MALT1: variants seen among roughly 807,000 people sequenced by gnomAD.
The protein encoded by MALT1 is MALT1 paracaspase.
A neutral mutation model predicts 85.5 loss-of-function variants in MALT1; 36 were observed. That is an observed-to-expected ratio of 0.42 (90% CI 0.32 to 0.56). The LOEUF (loss-of-function observed/expected upper bound fraction) is 0.56. MALT1 is among the 20% of genes least tolerant of loss of function. The probability of loss-of-function intolerance (pLI) is 0.10; values close to 1 mark genes in which losing one functional copy is unlikely to be tolerated. For synonymous variants in MALT1, 359 were observed against 361.3 expected (o/e 0.99, Z 0.07); for missense variants, 716 against 981.6 (o/e 0.73, Z 3.62).
intron 9 of MALT1, among the ~76,000 whole-genome samples, chr18:58,720,923 C>G (rs2054973549): frequency 6.6e-6 from 1 of 152,110 alleles, no homozygotes; most frequent in African/African-American, 2.4e-5. Context: ...CTCACATTTC[C>G]CCTCACCTTA....
intron 13 of MALT1, among the ~76,000 whole-genome samples, chr18:58,736,736 G>A (rs2055226782): frequency 6.6e-6 from 1 of 152,210 alleles, no homozygotes; most frequent in Admixed American, 6.5e-5. Context: ...TACCATGTCT[G>A]CTTAACCAGA....
intron 2 of MALT1, among the ~76,000 whole-genome samples, chr18:58,688,403 C>G (rs528695601): frequency 6.6e-6 from 1 of 151,602 alleles, no homozygotes; most frequent in Non-Finnish European, 1.5e-5. Flanking sequence ...GCTACTTTGT[C>G]TTGGCCAGGC....
At chr18:58,720,779 TG>T (rs2054972394) in intron 9 of MALT1, among the ~76,000 whole-genome samples, 1 of 152,204 alleles carries the variant, frequency 6.6e-6, no homozygotes, top group Non-Finnish European at 1.5e-5. Flanking sequence ...ATCTATGATG[TG>T]TATAATTAAA....
chr18:58,707,407 AG>A (rs2054767890), intron 4 of MALT1, among the ~76,000 whole-genome samples: 1 of 149,648 alleles, frequency 6.7e-6, no homozygotes, highest in Admixed American at 6.7e-5. Flanking sequence ...TAGAAATGTG[AG>A]GCTATTTCAA....
Position 58,742,022 on chromosome 18 carries a change from A to G in MALT1, c.1753+8A>G, listed in dbSNP as rs922319811. On this transcript the variant is annotated splice_region_variant and intron_variant, in intron 14 of 16. Transcript: ENST00000649217. Reference sequence around the variant, plus strand: ...AGTGGGCCAAGGCTCATGGTACGGTAAAGCCCATTTTTTGTTAGATCTACA... The same window carrying G: ...AGTGGGCCAAGGCTCATGGTACGGTGAAGCCCATTTTTTGTTAGATCTACA... 6.8e-7 allele frequency: 1 copy of G among 1,480,910 alleles called. No homozygotes were observed. Among genetic ancestry groups the G allele is most frequent in the Non-Finnish European group, 9.1e-7 (1 of 1,094,276 alleles). The allele number at this position is 1,480,910 out of a possible 1,614,324, so 91.7% of individuals were successfully genotyped here. A position where few individuals can be genotyped will look rare whatever the true frequency, so the allele number is the denominator to read the frequency against.
At chr18:58,733,831 C>A in intron 11 of MALT1, 4 of 1,144,616 alleles carry the variant, frequency 3.5e-6, no homozygotes, top group Non-Finnish European at 3.3e-6. Context: ...GGATTCAACT[C>A]TCCAGAATGC....
Position 58,747,405 on chromosome 18 carries a change from G to T in MALT1, c.2038G>T (p.Glu680Ter). 1 of 1,588,586 alleles carries T rather than the reference G, an allele frequency of 6.3e-7. No homozygotes were observed. The highest frequency in any genetic ancestry group is 1.1e-5 in the South Asian group (1 of 88,012). ...TAAACCAGATTTTTTTCCTTTTCAG[G>T]AACATCTAGTCTTCACAGTATGTTT... ...TRLSSLQKLKEHLVFTVCLSY... is the reference protein window; with the variant it reads ...TRLSSLQKLK The change falls in exon 17 of 17, where the codon GAA becomes TAA. Residue 680 changes from glutamate to a stop codon, truncating the protein, a stop_gained and splice_region_variant. Transcript: ENST00000649217. LOFTEE classifies it low-confidence loss of function (END_TRUNC).
intron 16 of MALT1, among the ~76,000 whole-genome samples, 176 bp downstream of exon 16, chr18:58,745,967 A>G (rs1305504619): frequency 1.3e-5 from 2 of 151,638 alleles, no homozygotes; most frequent in Non-Finnish European, 2.9e-5. Flanking sequence ...AGAGGACTTT[A>G]TGTGTGCTTA....
At chr18:58,736,417 A>G (rs1310989734) in intron 13 of MALT1, among the ~76,000 whole-genome samples, 2 of 151,134 alleles carry the variant, frequency 1.3e-5, no homozygotes, top group Admixed American at 1.3e-4. Flanking sequence ...TGAAGCTTAC[A>G]TTTGAAGGAA....
intron 12 of MALT1, among the ~76,000 whole-genome samples, chr18:58,734,966 ATGAT>A (rs1269336817): frequency 1.3e-5 from 2 of 152,218 alleles, no homozygotes; most frequent in African/African-American, 4.8e-5. Context: ...TCAATGTGGA[ATGAT>A]TGAATCAAGA....
Position 58,700,461 on chromosome 18 carries a change from A to G in MALT1, c.519A>G (p.Ser173=). The G allele has an allele frequency of 6.2e-7, 1 of 1,603,364 alleles. No individual in the cohort carries two copies. The highest frequency in any genetic ancestry group is 8.5e-7 in the Non-Finnish European group (1 of 1,177,150). ...CACAGATTCCAAATGGAAATACATCAGAGCTTATTTTTAATGCAGTGCATG... is the reference window on the plus strand; with the variant it reads ...CACAGATTCCAAATGGAAATACATCGGAGCTTATTTTTAATGCAGTGCATG... ...MNKEIPNGNT[S]ELIFNAVHVK... The change falls in exon 4 of 17, where the codon TCA becomes TCG. Residue 173 remains serine, a synonymous_variant. Transcript: ENST00000649217.
At chr18:58,733,748 T>C (rs1423175354) in intron 11 of MALT1, 174 bp downstream of exon 11, 2 of 740,548 alleles carry the variant, frequency 2.7e-6, no homozygotes, top group Admixed American at 6.7e-5. Flanking sequence ...TATCTAATTA[T>C]TTTAACTCTT....
chr18:58,734,309 A>G lies in MALT1; in HGVS notation c.1403A>G (p.Asn468Ser). ...CCTCCTCCGCCTCCCTTAAATAGAA[A>G]TGACTACGATGATACCATTCCAATC... ...VFLLDMCRKR[N>S]DYDDTIPILD... is the part of the protein sequence containing the mutation. The change falls in exon 12 of 17, where the codon AAT becomes AGT. Residue 468 changes from asparagine (N) to serine (S), a missense_variant and splice_region_variant. Physicochemically the swap from Asn to Ser is conservative, Grantham distance 46 (BLOSUM62 1). Transcript: ENST00000649217. 6.2e-7 allele frequency: 1 copy of G among 1,611,082 alleles called. No individual in the cohort carries two copies. The highest frequency in any genetic ancestry group is 8.5e-7 in the Non-Finnish European group (1 of 1,177,208).
intron 11 of MALT1, 54 bp from the exon 12 acceptor site, chr18:58,734,253 A>G: frequency 1.6e-6 from 2 of 1,282,436 alleles, no homozygotes; most frequent in Non-Finnish European, 2.3e-6. Flanking sequence ...CCTTTTAAGA[A>G]TGCTCTTTAA....
At chr18:58,701,581 T>A (rs1036506794) in intron 4 of MALT1, among the ~76,000 whole-genome samples, 16 of 152,196 alleles carry the variant, frequency 1.1e-4, no homozygotes, top group Non-Finnish European at 2.4e-4. Context: ...GCTTACCAGT[T>A]ATGCAATTCA....
chr18:58,689,387 A>G (rs1017312150), intron 2 of MALT1, among the ~76,000 whole-genome samples: 2 of 152,158 alleles, frequency 1.3e-5, no homozygotes, highest in Non-Finnish European at 2.9e-5. Context: ...GGTTATTTCA[A>G]AGGTTAGTGA....
intron 2 of MALT1, among the ~76,000 whole-genome samples, chr18:58,688,118 T>A (rs2054433282): frequency 6.6e-6 from 1 of 152,176 alleles, no homozygotes; most frequent in African/African-American, 2.4e-5. Context: ...TGCATTGGGG[T>A]GGCTAAGGGT....
In MALT1 at chr18:58,681,473, G is replaced by T. The variant is rs1171545413; in HGVS notation, c.376+137G>T. 8.0e-6 allele frequency: 6 copies of T among 748,466 alleles called. No homozygotes were observed. In the Admixed American group the frequency reaches 1.8e-4, roughly 22 times the overall value. 46.4% of individuals were successfully genotyped at this position (748,466 alleles called of 1,614,324 possible). A position where few individuals can be genotyped will look rare whatever the true frequency, so the allele number is the denominator to read the frequency against. The stretch of plus-strand genomic sequence containing the variant: ...TGTAGTGCCTTGTTTGCTTTCCCAG[G>T]TTGAAGCAAATGCAATGCATGAATA... On this transcript the variant is annotated intron_variant, in intron 2 of 16. Coordinates refer to ENST00000649217, the MANE Select transcript of MALT1 (RefSeq NM_006785.4).
At chr18:58,717,746 C>CAAAAAAAAAAAAAAAAAA in intron 9 of MALT1, among the ~76,000 whole-genome samples, 1 of 100,570 alleles carries the variant, frequency 9.9e-6, no homozygotes, top group Non-Finnish European at 2.0e-5. Context: ...ACTCTTGTCT[C>CAAAAAAAAAAAAAAAAAA]AAAAAAAAAA....
Sources: allele counts gnomAD v4.1 joint callset (sites outside exome capture counted in the v4.1 genomes callset), GRCh38; gene constraint gnomAD v4.1.1; transcripts MANE v1.5; gene names NCBI Gene and HGNC (gene_info 2026-07-23, HGNC 2026-07-21).